VASP: variants seen among roughly 807,000 people sequenced by gnomAD.
The protein encoded by VASP is vasodilator-stimulated phosphoprotein.
VASP carries 27 observed loss-of-function variants against 54.4 expected under a neutral mutation model. The ratio of observed to expected loss-of-function variants is 0.50; its 90% CI spans 0.37 to 0.68. The LOEUF is 0.68. Among genes scored for constraint, VASP ranks in the 30% least tolerant of loss-of-function variants. The pLI is 0.00. For synonymous variants in VASP, 233 were observed against 209.8 expected, an observed-to-expected ratio of 1.11 and a Z score of -0.96; for missense variants, 488 against 528.3, an observed-to-expected ratio of 0.92 and a Z score of 0.75.
Position 45,519,922 on chromosome 19 carries a change from T to A in VASP, c.344-1400T>A, listed in dbSNP as rs202113182. ...TTTTTTTTTTTTTTTTTTTTTTTTT[T>A]AATATGGAGTCTCACTCTGTCTCTC... On this transcript the variant is annotated intron_variant, in intron 3 of 12. Transcript: ENST00000245932. Among the ~76,000 whole-genome samples the A allele has an allele frequency of 9.9e-3, 1,006 of 102,108 alleles. 15 individuals are homozygous for A. Among genetic ancestry groups the A allele is most frequent in the African/African-American group, 0.016 (376 of 23,932 alleles). 67.0% of individuals were successfully genotyped at this position (102,108 alleles called of 152,430 possible).
rs1968896189 is a variant in VASP, at chr19:45,523,746, G to A, written c.873+51G>A. On this transcript the variant is annotated intron_variant, in intron 8 of 12. Coordinates refer to ENST00000245932, the MANE Select transcript of VASP (RefSeq NM_003370.4). ...ACATCTCTTAGGCCGTACCATGAGG[G>A]TAGGGATAGTGGGATGTGTGGGGTT... The A allele has an allele frequency of 1.9e-6, 3 of 1,614,040 alleles. No homozygotes were observed. The South Asian group carries it at 3.3e-5, about 18-fold the overall frequency.
chr19:45,509,357 C>T (rs1452046209), intron 1 of VASP, among the ~76,000 whole-genome samples: 1 of 151,782 alleles, frequency 6.6e-6, no homozygotes, highest in African/African-American at 2.4e-5. Flanking sequence ...CTCCGGGACT[C>T]TTCTCTCCCC....
At chr19:45,523,580 A>C in intron 7 of VASP, 64 bp from the exon 8 acceptor site, 1 of 1,553,062 alleles carries the variant, frequency 6.4e-7, no homozygotes, top group South Asian at 1.1e-5. Context: ...CATTTCTAGA[A>C]CTCCCCTCAG....
At chr19:45,522,652 G>A in intron 6 of VASP, 66 bp from the exon 7 acceptor site, 1 of 1,569,802 alleles carries the variant, frequency 6.4e-7, no homozygotes, top group South Asian at 1.2e-5. Context: ...GCTGCCGGCG[G>A]TGTCATTGGG....
intron 6 of VASP, 24 bp downstream of exon 6, chr19:45,522,605 AG>A: frequency 6.7e-7 from 1 of 1,495,632 alleles, no homozygotes; most frequent in South Asian, 1.3e-5. Context: ...AGAGGTGGGC[AG>A]GGGGCAACAG....
chr19:45,522,610 G>T, intron 6 of VASP, 29 bp downstream of exon 6: 3 of 1,502,898 alleles, frequency 2.0e-6, no homozygotes, highest in African/African-American at 1.4e-5. Context: ...TGGGCAGGGG[G>T]CAACAGGGCT....
intron 1 of VASP, among the ~76,000 whole-genome samples, chr19:45,512,029 G>A (rs1348100807): frequency 2.0e-5 from 3 of 152,100 alleles, no homozygotes; most frequent in Non-Finnish European, 2.9e-5. Flanking sequence ...GCTTGAACTC[G>A]GGAAGTGGAG....
In VASP at chr19:45,514,472, C is replaced by T. The variant is rs185634339; in HGVS notation, c.6-3191C>T. Among the ~76,000 whole-genome samples, 12 of 152,256 alleles carry T rather than the reference C, an allele frequency of 7.9e-5. No homozygotes were observed. The East Asian group carries it at 2.3e-3, about 29-fold the overall frequency. On this transcript the variant is annotated intron_variant, in intron 1 of 12. Coordinates refer to ENST00000245932, the MANE Select transcript of VASP (RefSeq NM_003370.4). ...CTGGACTAAAGCAATCCTCCCGCCT[C>T]GGCCTCTCAAAGTGCTGGGATTACA...
Position 45,507,807 on chromosome 19 carries a change from C to T in VASP, c.5+31C>T, listed in dbSNP as rs1309503094. The T allele has an allele frequency of 7.3e-7, 1 of 1,374,486 alleles. No homozygotes were observed. Among genetic ancestry groups the T allele is most frequent in the African/African-American group, 1.5e-5 (1 of 65,110 alleles). The allele number at this position is 1,374,486 out of a possible 1,614,324, so 85.1% of individuals were successfully genotyped here. A position where few individuals can be genotyped will look rare whatever the true frequency, so the allele number is the denominator to read the frequency against. ...CCGGACCTGCCCCCCGACCCGTCCC[C>T]GCCCGGGCGGGCTCCGCGCCCCGCC... On this transcript the variant is annotated intron_variant, in intron 1 of 12. Coordinates refer to ENST00000245932, the MANE Select transcript of VASP (RefSeq NM_003370.4). This position sits in a 1 kb window ranked among gnomAD's most constrained non-coding sequence, Gnocchi z 4.4.
At chr19:45,513,808 C>T (rs1201584635) in intron 1 of VASP, among the ~76,000 whole-genome samples, 1 of 152,174 alleles carries the variant, frequency 6.6e-6, no homozygotes, top group Non-Finnish European at 1.5e-5. Flanking sequence ...AAGTGATCCT[C>T]CTGCCTCAGC....
At chr19:45,512,264 A>C (rs1968613039) in intron 1 of VASP, among the ~76,000 whole-genome samples, 1 of 151,190 alleles carries the variant, frequency 6.6e-6, no homozygotes, top group Non-Finnish European at 1.5e-5. Flanking sequence ...CACCACTCTG[A>C]GTGCAGATAT....
In VASP at chr19:45,522,552, G is replaced by A; in HGVS notation, c.691G>A (p.Ala231Thr). ...GGCCCCAGGCCTGGCCGCAGCTATTGCTGGAGCCAAACTCAGGAAAGTCAG... is the reference window on the plus strand; with the variant it reads ...GGCCCCAGGCCTGGCCGCAGCTATTACTGGAGCCAAACTCAGGAAAGTCAG... ...AGAPGLAAAI[A>T]GAKLRKVSKQ... Residue 231 changes from alanine to threonine, a missense_variant, in exon 6 of 13, where the codon GCT becomes ACT. This residue lies in a region of VASP where 226 missense variants were observed against 196.0 expected (regional missense o/e 1.15). Transcript: ENST00000245932. 2.7e-6 allele frequency: 4 copies of A among 1,459,770 alleles called. No individual in the cohort carries two copies. Among genetic ancestry groups the A allele is most frequent in the Non-Finnish European group, 3.6e-6 (4 of 1,111,774 alleles). 90.4% of individuals were successfully genotyped at this position (1,459,770 alleles called of 1,614,324 possible). A position where few individuals can be genotyped will look rare whatever the true frequency, so the allele number is the denominator to read the frequency against.
intron 3 of VASP, 62 bp from the exon 4 acceptor site, chr19:45,521,260 A>C: frequency 6.8e-7 from 1 of 1,469,954 alleles, no homozygotes; most frequent in South Asian, 1.2e-5. Context: ...GAGCAAGGGA[A>C]GCGCCAAGAG....
intron 1 of VASP, among the ~76,000 whole-genome samples, chr19:45,509,594 T>TGGC (rs1188721788): frequency 1.3e-5 from 2 of 152,200 alleles, no homozygotes; most frequent in African/African-American, 4.8e-5. Flanking sequence ...GCTGTGGTGG[T>TGGC]GGCCAAGCAT....
At chr19:45,521,605 G>A (rs1192352106) in intron 4 of VASP, among the ~76,000 whole-genome samples, 199 bp downstream of exon 4, 1 of 152,188 alleles carries the variant, frequency 6.6e-6, no homozygotes, top group Non-Finnish European at 1.5e-5. Flanking sequence ...AAAGAATCTT[G>A]TGGCTGGGCG....
chr19:45,524,258 C>A, intron 10 of VASP, 116 bp downstream of exon 10: 1 of 1,225,812 alleles, frequency 8.2e-7, no homozygotes, highest in Non-Finnish European at 1.2e-6. Context: ...AAAAATTAGC[C>A]AGGCGTGGTA....
Position 45,507,529 on chromosome 19 carries a change from G to A in VASP, c.-243G>A. ...CGCCACCGGCAAGGGGTGCGCGCTG[G>A]GGAGCGGACGCTGCATCCCCTTTCT... On this transcript the variant is annotated 5_prime_UTR_variant, in exon 1 of 13. Transcript: ENST00000245932. This position sits in a 1 kb window ranked among gnomAD's most constrained non-coding sequence, Gnocchi z 4.4. 2.0e-6 allele frequency: 1 copy of A among 509,638 alleles called. No individual in the cohort carries two copies. Among genetic ancestry groups the A allele is most frequent in the Non-Finnish European group, 3.5e-6 (1 of 289,202 alleles). 31.6% of individuals were successfully genotyped at this position (509,638 alleles called of 1,614,324 possible).
chr19:45,512,841 C>T (rs569492111), intron 1 of VASP, among the ~76,000 whole-genome samples: 190 of 152,216 alleles, frequency 1.2e-3, no homozygotes, highest in African/African-American at 4.3e-3. Flanking sequence ...CCTTGTGATC[C>T]GCCTGCCTTG....
chr19:45,523,517 A>G (rs979710032), intron 7 of VASP, 127 bp from the exon 8 acceptor site: 6 of 1,086,724 alleles, frequency 5.5e-6, no homozygotes, highest in African/African-American at 1.6e-5. Context: ...AATTTCTAAA[A>G]CTAGAGTTTC....
Sources: allele counts gnomAD v4.1 joint callset (sites outside exome capture counted in the v4.1 genomes callset), GRCh38; gene constraint gnomAD v4.1.1; regional missense constraint gnomAD v4.1.1; non-coding constraint Gnocchi (gnomAD v3.1); transcripts MANE v1.5; gene names NCBI Gene and HGNC (gene_info 2026-07-23, HGNC 2026-07-21).